The following SULF2 variants were observed in gnomAD, a reference collection of about 807,000 sequenced individuals.
SULF2 encodes the protein sulfatase 2, also known as extracellular sulfatase Sulf-2.
Under a neutral mutation model 107.7 loss-of-function variants are expected in SULF2, and 52 were observed. The ratio of observed to expected loss-of-function variants is 0.48; its 90% CI spans 0.39 to 0.61. SULF2 has a LOEUF of 0.61. Among genes scored for constraint, SULF2 ranks in the 20% least tolerant of loss-of-function variants. The probability of loss-of-function intolerance (pLI) is 0.00; values close to 1 mark genes in which losing one functional copy is unlikely to be tolerated. For synonymous variants in SULF2, 460 were observed against 464.3 expected (o/e 0.99, Z 0.12); for missense variants, 993 against 1,177.3 (o/e 0.84, Z 2.29).
At chr20:47,703,022 T>G (rs987271669) in intron 3 of SULF2, among the ~76,000 whole-genome samples, 1 of 152,164 alleles carries the variant, frequency 6.6e-6, no homozygotes, top group African/African-American at 2.4e-5. Flanking sequence ...TTTCAAGCAA[T>G]TCTCCTGCCT....
chr20:47,669,293 C>A (rs114736209), intron 11 of SULF2, among the ~76,000 whole-genome samples: 2,022 of 152,290 alleles, frequency 0.013, 44 homozygotes, highest in African/African-American at 0.046. Context: ...CTAACCTCCC[C>A]ACGCCACAGC....
At chr20:47,772,089 T>G (rs2146970094) in intron 1 of SULF2, among the ~76,000 whole-genome samples, 1 of 152,342 alleles carries the variant, frequency 6.6e-6, no homozygotes, top group South Asian at 2.1e-4. Flanking sequence ...TTTTTAAAAG[T>G]CTGGTATAAG....
rs115179010 is a variant in SULF2, at chr20:47,684,446, G to A, written c.873C>T (p.Asp291=). 4,090 of 1,611,772 alleles carry A rather than the reference G, an allele frequency of 2.5e-3. 15 individuals carry two copies. Among genetic ancestry groups the A allele is most frequent in the African/African-American group, 0.015 (1,121 of 74,834 alleles). Residue 291 remains aspartate, a synonymous_variant, in exon 6 of 21, where the codon GAC becomes GAT. Coordinates refer to ENST00000688720, the MANE Select transcript of SULF2 (RefSeq NM_001387048.1). ...GGGCGCCTACCGTCTCCATGGAGTC[G>A]TCCACCGACATGAGGGTCTGCAAGC... The part of the protein sequence containing the change: ...RKRLQTLMSV[D]DSMETIYNML...
intron 4 of SULF2, among the ~76,000 whole-genome samples, chr20:47,691,150 A>G (rs2088183801): frequency 6.6e-6 from 1 of 152,244 alleles, no homozygotes; most frequent in Admixed American, 6.5e-5. Flanking sequence ...GGACACTGTC[A>G]TGCAGGGTGG....
At chr20:47,748,278 C>T (rs551729227) in intron 2 of SULF2, among the ~76,000 whole-genome samples, 2 of 152,316 alleles carry the variant, frequency 1.3e-5, no homozygotes, top group South Asian at 2.1e-4. Flanking sequence ...TTGCACGTGC[C>T]GTGCTTCTGC....
intron 4 of SULF2, among the ~76,000 whole-genome samples, chr20:47,691,192 TG>T (rs1235933541): frequency 6.6e-6 from 1 of 152,116 alleles, no homozygotes; most frequent in African/African-American, 2.4e-5. Flanking sequence ...GTGCCTACAC[TG>T]GGGCAGGAGC....
At chr20:47,703,941 T>TGAAATTTGA (rs540365416) in intron 3 of SULF2, among the ~76,000 whole-genome samples, 23 of 152,348 alleles carry the variant, frequency 1.5e-4, no homozygotes, top group African/African-American at 5.3e-4. Flanking sequence ...GTCATCTATG[T>TGAAATTTGA]GAAATTTGAG....
chr20:47,661,656 T>C, intron 18 of SULF2, 117 bp downstream of exon 18: 1 of 1,133,606 alleles, frequency 8.8e-7, no homozygotes, highest in East Asian at 2.8e-5. Context: ...TCTGGAACTG[T>C]ATCACCTCCC....
At chr20:47,737,304 A>T (rs1344081190) in intron 2 of SULF2, among the ~76,000 whole-genome samples, 2 of 151,504 alleles carry the variant, frequency 1.3e-5, no homozygotes, top group African/African-American at 2.4e-5. Context: ...CTGGAATCAA[A>T]CTGTTTTACA....
intron 4 of SULF2, among the ~76,000 whole-genome samples, chr20:47,696,436 C>A (rs564513641): frequency 6.6e-6 from 1 of 152,024 alleles, no homozygotes. Flanking sequence ...CTCTTCTGTC[C>A]CCTACTGGGA....
chr20:47,659,915 C>T (rs1233516180), intron 18 of SULF2, among the ~76,000 whole-genome samples, 185 bp from the exon 19 acceptor site: 2 of 152,170 alleles, frequency 1.3e-5, no homozygotes, highest in Non-Finnish European at 2.9e-5. Flanking sequence ...CCCTAAGTCT[C>T]CTAGATAGCC....
In SULF2 at chr20:47,661,801, A is replaced by G; in HGVS notation, c.2466T>C (p.Cys822=). ...GGTCCATGTTTCGAGTCCGGGGGTT[A>G]CACTGCTTGTAACCCTTGCAGCTCC... ...ELRSCKGYKQ[C]NPRTRNMDLG... is the part of the protein sequence containing the mutation. Residue 822 remains cysteine (C), a synonymous_variant, in exon 18 of 21, where the codon TGT becomes TGC. Coordinates refer to ENST00000688720, the MANE Select transcript of SULF2 (RefSeq NM_001387048.1). 6.4e-7 allele frequency: 1 copy of G among 1,574,348 alleles called. No homozygotes were observed. Among genetic ancestry groups the G allele is most frequent in the Non-Finnish European group, 8.7e-7 (1 of 1,152,234 alleles).
At chr20:47,664,488 C>G (rs1198988959) in intron 14 of SULF2, among the ~76,000 whole-genome samples, 1 of 152,238 alleles carries the variant, frequency 6.6e-6, no homozygotes, top group East Asian at 1.9e-4. Context: ...GGTGCATCAG[C>G]CTCAGCATCC....
At chr20:47,760,562 T>C (rs2090397613) in intron 1 of SULF2, among the ~76,000 whole-genome samples, 1 of 152,174 alleles carries the variant, frequency 6.6e-6, no homozygotes, top group Non-Finnish European at 1.5e-5. Flanking sequence ...CACCTGCCTC[T>C]GAAAACAGTG....
chr20:47,702,424 A>T (rs1280320706), intron 4 of SULF2, 95 bp downstream of exon 4: 5 of 1,423,162 alleles, frequency 3.5e-6, no homozygotes, highest in Non-Finnish European at 4.8e-6. Context: ...TAAGTGCCTG[A>T]GTCACAATCT....
intron 2 of SULF2, among the ~76,000 whole-genome samples, chr20:47,756,747 G>A (rs1347883403): frequency 1.3e-5 from 2 of 150,992 alleles, no homozygotes; most frequent in African/African-American, 2.4e-5. Flanking sequence ...CTGGATTCAA[G>A]TGATTCTTGT....
intron 1 of SULF2, among the ~76,000 whole-genome samples, chr20:47,773,293 G>A (rs571645164): frequency 2.0e-5 from 3 of 152,246 alleles, no homozygotes; most frequent in Non-Finnish European, 4.4e-5. Context: ...GGAGGAAGCT[G>A]TCAGGTGATA....
At chr20:47,704,791 G>A (rs2088676930) in intron 3 of SULF2, among the ~76,000 whole-genome samples, 1 of 152,226 alleles carries the variant, frequency 6.6e-6, no homozygotes, top group African/African-American at 2.4e-5. Flanking sequence ...GCTCAGCGCT[G>A]GGCCTTGTGC....
At chr20:47,708,514 A>G (rs1441540631) in intron 3 of SULF2, among the ~76,000 whole-genome samples, 3 of 152,172 alleles carry the variant, frequency 2.0e-5, no homozygotes, top group African/African-American at 7.2e-5. Flanking sequence ...TCCTGGAAAC[A>G]AGTCCACAGC....
Sources: gnomAD v4.1 joint callset for allele counts (sites outside exome capture counted in the v4.1 genomes callset) on GRCh38, gnomAD v4.1.1 for gene constraint, MANE v1.5 for transcripts, NCBI Gene and HGNC (gene_info 2026-07-23, HGNC 2026-07-21) for gene names.